TIAM2: variants seen among roughly 807,000 people sequenced by gnomAD.
The protein encoded by TIAM2 is TIAM Rac1 associated GEF 2.
TIAM2 carries 80 observed loss-of-function variants against 152.9 expected under a neutral mutation model. The ratio of observed to expected loss-of-function variants is 0.52; its 90% CI spans 0.44 to 0.63. The LOEUF is 0.63. Ranked by LOEUF, TIAM2 falls within the 30% of genes least tolerant of loss-of-function variation. The pLI is 0.00. For missense variants in TIAM2, 1,965 were observed against 2,120.1 expected, an observed-to-expected ratio of 0.93 and a Z score of 1.44; for synonymous variants, 804 against 838.0, an observed-to-expected ratio of 0.96 and a Z score of 0.70.
At chr6:155,128,438 A>G (rs1779350217) in intron 3 of TIAM2, among the ~76,000 whole-genome samples, 1 of 152,138 alleles carries the variant, frequency 6.6e-6, no homozygotes, top group African/African-American at 2.4e-5. Flanking sequence ...AAGTCTCTCA[A>G]AATACTGTGG....
chr6:155,239,163 A>G (rs190459809), intron 15 of TIAM2, among the ~76,000 whole-genome samples: 168 of 152,360 alleles, frequency 1.1e-3, no homozygotes, highest in African/African-American at 3.9e-3. Context: ...TGAGAAGTTC[A>G]GCTTCTTACC....
chr6:155,251,561 A>G (rs955652223), intron 22 of TIAM2, among the ~76,000 whole-genome samples: 6 of 152,180 alleles, frequency 3.9e-5, no homozygotes, highest in African/African-American at 1.4e-4. Flanking sequence ...TGCTGGGATT[A>G]CAGGCATTAG....
chr6:155,025,176 C>A (rs898269718), intron 1 of TIAM2, among the ~76,000 whole-genome samples: 14 of 148,200 alleles, frequency 9.4e-5, no homozygotes, highest in Non-Finnish European at 1.8e-4. Flanking sequence ...ATAGGCACCA[C>A]GTCTGGCTAA....
intron 1 of TIAM2, among the ~76,000 whole-genome samples, chr6:155,066,511 G>A (rs1417502419): frequency 3.3e-5 from 5 of 152,114 alleles, no homozygotes; most frequent in Admixed American, 6.6e-5. Flanking sequence ...GGGGCCAGCC[G>A]GAAGCCGCTT....
chr6:155,067,888 C>T (rs557675896), intron 1 of TIAM2, among the ~76,000 whole-genome samples: 8 of 152,266 alleles, frequency 5.3e-5, no homozygotes, highest in Non-Finnish European at 1.2e-4. Context: ...GTGATCCACC[C>T]GTCTCGGTCT....
intron 10 of TIAM2, among the ~76,000 whole-genome samples, chr6:155,178,203 A>G (rs993762384): frequency 5.3e-5 from 8 of 150,936 alleles, no homozygotes; most frequent in South Asian, 2.1e-4. Flanking sequence ...TAGTGGGTCA[A>G]TTTGACCCAG....
intron 1 of TIAM2, among the ~76,000 whole-genome samples, chr6:155,071,467 T>C (rs972355938): frequency 6.6e-6 from 1 of 152,218 alleles, no homozygotes; most frequent in Admixed American, 6.5e-5. Flanking sequence ...TACTATGCCC[T>C]GCATCAGGCA....
intron 1 of TIAM2, among the ~76,000 whole-genome samples, chr6:155,047,600 C>G (rs920881802): frequency 7.4e-5 from 11 of 149,440 alleles, no homozygotes; most frequent in African/African-American, 2.7e-4. Context: ...CTTGAAACAC[C>G]CTGTTTAAAG....
At chr6:155,029,847 C>A (rs1032994276) in intron 1 of TIAM2, among the ~76,000 whole-genome samples, 2 of 150,852 alleles carry the variant, frequency 1.3e-5, no homozygotes, top group African/African-American at 4.9e-5. Flanking sequence ...AGGCAGAGTG[C>A]AGTGGTGTGA....
chr6:155,217,633 C>T (rs1269322537), intron 15 of TIAM2, among the ~76,000 whole-genome samples: 5 of 152,084 alleles, frequency 3.3e-5, no homozygotes, highest in Non-Finnish European at 7.4e-5. Flanking sequence ...AATAATTTTT[C>T]GGCTTTGTGG....
intron 14 of TIAM2, among the ~76,000 whole-genome samples, chr6:155,194,200 G>A (rs1194848247): frequency 6.6e-6 from 1 of 152,182 alleles, no homozygotes; most frequent in Non-Finnish European, 1.5e-5. Flanking sequence ...AGGAGGCCGG[G>A]GCTGTCTAGC....
intron 1 of TIAM2, among the ~76,000 whole-genome samples, chr6:155,079,072 G>GT (rs1252106918): frequency 1.3e-5 from 2 of 149,674 alleles, no homozygotes; most frequent in Non-Finnish European, 3.0e-5. Context: ...TTTTGTTTTT[G>GT]TTTTTTTGAG....
intron 15 of TIAM2, among the ~76,000 whole-genome samples, chr6:155,227,056 T>C (rs1490203149): frequency 6.6e-6 from 1 of 152,254 alleles, no homozygotes; most frequent in African/African-American, 2.4e-5. Context: ...CCTCCTGCTC[T>C]ACTAAGTTGG....
At chr6:155,033,522 A>G (rs1776861529) in intron 1 of TIAM2, among the ~76,000 whole-genome samples, 1 of 152,154 alleles carries the variant, frequency 6.6e-6, no homozygotes, top group South Asian at 2.1e-4. Flanking sequence ...ATAAAACTCA[A>G]GAATAGAAAG....
chr6:155,126,968 AG>A (rs1326402019), intron 2 of TIAM2, among the ~76,000 whole-genome samples: 1 of 152,184 alleles, frequency 6.6e-6, no homozygotes, highest in African/African-American at 2.4e-5. Flanking sequence ...CTTATCCCTC[AG>A]AGGGGGACCT....
intron 15 of TIAM2, among the ~76,000 whole-genome samples, chr6:155,216,225 T>G (rs1781857885): frequency 6.7e-6 from 1 of 150,132 alleles, no homozygotes; most frequent in Non-Finnish European, 1.5e-5. Context: ...CCTCAGAAGG[T>G]GGTCTCTTCT....
intron 7 of TIAM2, among the ~76,000 whole-genome samples, chr6:155,155,263 G>C (rs1173912532): frequency 6.6e-6 from 1 of 152,048 alleles, no homozygotes; most frequent in Non-Finnish European, 1.5e-5. Flanking sequence ...TGCAACCTCT[G>C]CCTCCTGAGT....
chr6:155,127,719 C>A (rs112299308), intron 3 of TIAM2, 119 bp downstream of exon 3: 15 of 413,806 alleles, frequency 3.6e-5, no homozygotes, highest in African/African-American at 1.0e-4. Flanking sequence ...TGATAATTAC[C>A]ACCAAAGAAA....
rs183263967 is a variant in TIAM2, at chr6:155,146,974, T to G, written c.1804-1136T>G. On this transcript the variant is annotated intron_variant, in intron 6 of 26. Coordinates refer to ENST00000682666, the MANE Select transcript of TIAM2 (RefSeq NM_012454.4). The stretch of plus-strand genomic sequence containing the variant: ...CTTACTGTGTTCCCCAGGCTGGTCT[T>G]GAACTCCTGGACTCAAAAGTCCTGG... 6.2e-3 allele frequency among the ~76,000 whole-genome samples: 948 copies of G among 152,056 alleles called. 14 individuals are homozygous for G. Among genetic ancestry groups the G allele is most frequent in the African/African-American group, 0.022 (914 of 41,460 alleles).
Sources: gnomAD v4.1 joint callset for allele counts (sites outside exome capture counted in the v4.1 genomes callset) on GRCh38, gnomAD v4.1.1 for gene constraint, MANE v1.5 for transcripts, NCBI Gene and HGNC (gene_info 2026-07-23, HGNC 2026-07-21) for gene names.